Variants in FBXL19 observed in about 807,000 individuals in gnomAD.
FBXL19 encodes the protein F-box/LRR-repeat protein 19.
Under a neutral mutation model 71.2 loss-of-function variants are expected in FBXL19, and 16 were observed. The ratio of observed to expected loss-of-function variants is 0.22; its 90% CI spans 0.15 to 0.34. The LOEUF is 0.34. Among genes scored for constraint, FBXL19 ranks in the 10% least tolerant of loss-of-function variants. The pLI is 1.00. For missense variants in FBXL19, 658 were observed against 968.2 expected, an observed-to-expected ratio of 0.68 and a Z score of 4.25; for synonymous variants, 447 against 409.4, an observed-to-expected ratio of 1.09 and a Z score of -1.11.
In FBXL19 at chr16:30,925,669, C is replaced by G; in HGVS notation, c.-24-62C>G. 1 of 1,426,754 alleles carries G rather than the reference C, an allele frequency of 7.0e-7. No individual in the cohort carries two copies. The highest frequency in any genetic ancestry group is 9.1e-7 in the Non-Finnish European group (1 of 1,100,718). 88.4% of individuals were successfully genotyped at this position (1,426,754 alleles called of 1,614,324 possible). A position where few individuals can be genotyped will look rare whatever the true frequency, so the allele number is the denominator to read the frequency against. On this transcript the variant is annotated intron_variant, in intron 1 of 10. Coordinates refer to ENST00000338343, the MANE Select transcript of FBXL19 (RefSeq NM_001382779.1). This position sits in a 1 kb window ranked among gnomAD's most constrained non-coding sequence, Gnocchi z 5.0. ...GCTGCCTGTAGGTGGAGGGACCTGT[C>G]AGGGGTCTCCCAGGCCAGGGCCCCA...
upstream of FBXL19, among the ~76,000 whole-genome samples, chr16:30,923,432 C>T (rs1251748744): frequency 1.3e-5 from 2 of 151,388 alleles, no homozygotes; most frequent in African/African-American, 2.4e-5. Flanking sequence ...CCGTCGAGCC[C>T]TGCGTGCGTT....
chr16:30,933,637 G>A (rs543884886), intron 7 of FBXL19, among the ~76,000 whole-genome samples: 21 of 150,110 alleles, frequency 1.4e-4, no homozygotes, highest in African/African-American at 4.9e-4. Context: ...TTTTTTGCAG[G>A]AACCAGGGGC....
At chr16:30,938,916 G>A (rs868630340) in intron 7 of FBXL19, among the ~76,000 whole-genome samples, 3 of 150,786 alleles carry the variant, frequency 2.0e-5, no homozygotes, top group Middle Eastern at 3.6e-3. Flanking sequence ...GATTACAGGC[G>A]TGAGCCACTG....
At chr16:30,923,406 C>A, upstream of FBXL19, 1 of 360,038 alleles carries the variant, frequency 2.8e-6, no homozygotes, top group Non-Finnish European at 5.6e-6. Flanking sequence ...CATCAGTGGC[C>A]GCAGGACTAC....
intron 7 of FBXL19, among the ~76,000 whole-genome samples, chr16:30,938,660 G>A (rs1187836622): frequency 1.3e-5 from 2 of 152,038 alleles, no homozygotes; most frequent in African/African-American, 4.8e-5. Context: ...TTTTTGAGAT[G>A]GAGTCTTGCT....
At chr16:30,932,222 T>A (rs2143336747) in intron 7 of FBXL19, among the ~76,000 whole-genome samples, 1 of 152,352 alleles carries the variant, frequency 6.6e-6, no homozygotes, top group South Asian at 2.1e-4. Flanking sequence ...TTGTAGCCAG[T>A]ATTTACTTAG....
In FBXL19 at chr16:30,924,479, C is replaced by T; in HGVS notation, c.-25+20C>T. 1 of 494,898 alleles carries T rather than the reference C, an allele frequency of 2.0e-6. No individual in the cohort carries two copies. The highest frequency in any genetic ancestry group is 3.2e-6 in the Non-Finnish European group (1 of 313,194). 30.7% of individuals were successfully genotyped at this position (494,898 alleles called of 1,614,324 possible). ...TGTGAGGTGGGTTCATGCGGCTCCT[C>T]CTCACCCCCAGACCTGGGCAGCGCC... On this transcript the variant is annotated intron_variant, in intron 1 of 10. Coordinates refer to ENST00000338343, the MANE Select transcript of FBXL19 (RefSeq NM_001382779.1).
In FBXL19 at chr16:30,927,836, C is replaced by T; in HGVS notation, c.500C>T (p.Pro167Leu). 1 of 1,545,500 alleles carries T rather than the reference C, an allele frequency of 6.5e-7. No homozygotes were observed. The highest frequency in any genetic ancestry group is 8.7e-7 in the Non-Finnish European group (1 of 1,146,398). Residue 167 changes from proline (P) to leucine (L), a missense_variant, in exon 5 of 11, where the codon CCG becomes CTG. By Grantham distance (98) the Pro-to-Leu change is moderately conservative (BLOSUM62 -3). Transcript: ENST00000338343. ...GSGWKLTEEP[P>L]LPPPPPRRKG... is the part of the protein sequence containing the mutation. ...GGATGGAAGCTGACAGAGGAGCCAC[C>T]GCTTCCACCGCCCCCGCCCAGGCGC...
At position 30,927,907 on chromosome 16, in the gene FBXL19, C is replaced by A; in HGVS notation, c.571C>A (p.Pro191Thr). 1.3e-6 allele frequency: 2 copies of A among 1,541,802 alleles called. No homozygotes were observed. The highest frequency in any genetic ancestry group is 1.7e-6 in the Non-Finnish European group (2 of 1,150,976). ...AGPPPEDVPGPPKRKEREAGN... is the reference protein window; with the variant it reads ...AGPPPEDVPGTPKRKEREAGN... ...GCCCCCCCCGGAGGACGTGCCTGGGCCCCCCAAACGAAAGGAAAGGGAGGC... is the reference window on the plus strand; with the variant it reads ...GCCCCCCCCGGAGGACGTGCCTGGGACCCCCAAACGAAAGGAAAGGGAGGC... Residue 191 changes from proline to threonine, a missense_variant, in exon 5 of 11, where the codon CCC (proline) becomes ACC (threonine). This residue lies in a region of FBXL19 where 447 missense variants were observed against 515.4 expected (regional missense o/e 0.87). Transcript: ENST00000338343.
chr16:30,942,711 G>A lies in FBXL19; in HGVS notation c.1627+175G>A, dbSNP rs564623661. Among the ~76,000 whole-genome samples the A allele has an allele frequency of 1.3e-5, 2 of 152,360 alleles. No individual in the cohort carries two copies. Among genetic ancestry groups the A allele is most frequent in the South Asian group, 4.1e-4 (2 of 4,826 alleles). On this transcript the variant is annotated intron_variant, in intron 9 of 10. Transcript: ENST00000338343. The surrounding 1 kb of genome is among the most constrained non-coding windows in gnomAD (Gnocchi z 5.7). ...TTATTCATTCATTCACCCACCTGCT[G>A]TGTACTTTGAACTGAGTCTTGAAAG... is the stretch of plus-strand genomic sequence containing the variant.
chr16:30,928,601 C>T lies in FBXL19; in HGVS notation c.762C>T (p.His254=). The T allele has an allele frequency of 6.3e-7, 1 of 1,597,468 alleles. No homozygotes were observed. ...CGAGCCAGGCTTTCTCATCCTGCCACCCTGGGCTCCCTCCCGAGAACTGGG... is the reference window on the plus strand; with the variant it reads ...CGAGCCAGGCTTTCTCATCCTGCCATCCTGGGCTCCCTCCCGAGAACTGGG... ...LNPSQAFSSC[H]PGLPPENWEK... is the part of the protein sequence containing the mutation. The change falls in exon 6 of 11, where the codon CAC becomes CAT. Residue 254 remains histidine, a synonymous_variant. Transcript: ENST00000338343.
At position 30,927,883 on chromosome 16, in the gene FBXL19, C is replaced by G. The variant is rs770363065; in HGVS notation, c.547C>G (p.Pro183Ala). Residue 183 changes from proline to alanine, a missense_variant, in exon 5 of 11, where the codon CCC (proline) becomes GCC (alanine). Pro to Ala is a conservative substitution (Grantham distance 27). Coordinates refer to ENST00000338343, the MANE Select transcript of FBXL19 (RefSeq NM_001382779.1). Reference protein sequence around the residue: ...PRRKGPLPAGPPPEDVPGPPK... With the variant: ...PRRKGPLPAGAPPEDVPGPPK... ...GCGCAAGGGCCCCCTGCCTGCCGGG[C>G]CCCCCCCGGAGGACGTGCCTGGGCC... 2 of 1,502,152 alleles carry G rather than the reference C, an allele frequency of 1.3e-6. No individual in the cohort carries two copies. The highest frequency in any genetic ancestry group is 8.9e-7 in the Non-Finnish European group (1 of 1,119,208). 93.1% of individuals were successfully genotyped at this position (1,502,152 alleles called of 1,614,324 possible).
In FBXL19 at chr16:30,945,136, G is replaced by GGTTTGTGCCATGGCA. The variant is rs1245835772; in HGVS notation, c.1628-1594_1628-1593insGTTTGTGCCATGGCA. Reference sequence around the variant, plus strand: ...AGACTCCATAAAACATGTTTGGAGGGCAGCCTCATGGTTTGTGCCATCTGA... The same window carrying GGTTTGTGCCATGGCA: ...AGACTCCATAAAACATGTTTGGAGGGGTTTGTGCCATGGCACAGCCTCATGGTTTGTGCCATCTGA... On this transcript the variant is annotated intron_variant, in intron 9 of 10. Transcript: ENST00000338343. Among the ~76,000 whole-genome samples, 15 of 152,314 alleles carry GGTTTGTGCCATGGCA rather than the reference G, an allele frequency of 9.8e-5. No homozygotes were observed. In the East Asian group the frequency reaches 2.3e-3, roughly 23 times the overall value.
rs1416682313 is a variant in FBXL19 at position 30,947,911 on chromosome 16, G to T, written c.*681G>T. On this transcript the variant is annotated 3_prime_UTR_variant, in exon 11 of 11. Coordinates refer to ENST00000338343, the MANE Select transcript of FBXL19 (RefSeq NM_001382779.1). ...TCACTGAAAACGGCAGCTATTGCAA[G>T]GAGTGGGGGCCGCGGGCAGCCGCTC... 1 of 454,778 alleles carries T rather than the reference G, an allele frequency of 2.2e-6. No individual in the cohort carries two copies. Among genetic ancestry groups the T allele is most frequent in the Middle Eastern group, 3.3e-4 (1 of 3,058 alleles). 28.2% of individuals were successfully genotyped at this position (454,778 alleles called of 1,614,324 possible). A position where few individuals can be genotyped will look rare whatever the true frequency, so the allele number is the denominator to read the frequency against.
chr16:30,945,077 G>A (rs2055843681), intron 9 of FBXL19, among the ~76,000 whole-genome samples: 1 of 152,178 alleles, frequency 6.6e-6, no homozygotes, highest in African/African-American at 2.4e-5. Context: ...CCTTTTTGTA[G>A]TGTTAGTCAT....
At chr16:30,927,238 TCCCTA>T in intron 2 of FBXL19, 65 bp from the exon 3 acceptor site, 1 of 1,460,030 alleles carries the variant, frequency 6.8e-7, no homozygotes, top group Non-Finnish European at 9.1e-7. Context: ...CTGGCCAGGG[TCCCTA>T]GAAGGAAGGG....
Position 30,942,055 on chromosome 16 carries a change from G to A in FBXL19, c.1302-61G>A. ...TGCACCCTTGGAGCTGGGGAGCCTGGGAACTGTGGGCTGCTGAGAGCTGAG... is the reference window on the plus strand; with the variant it reads ...TGCACCCTTGGAGCTGGGGAGCCTGAGAACTGTGGGCTGCTGAGAGCTGAG... On this transcript the variant is annotated intron_variant, in intron 7 of 10. Coordinates refer to ENST00000338343, the MANE Select transcript of FBXL19 (RefSeq NM_001382779.1). This position sits in a 1 kb window ranked among gnomAD's most constrained non-coding sequence, Gnocchi z 5.7. 2.1e-6 allele frequency: 3 copies of A among 1,456,470 alleles called. No homozygotes were observed. The highest frequency in any genetic ancestry group is 1.8e-6 in the Non-Finnish European group (2 of 1,099,338). The allele number at this position is 1,456,470 out of a possible 1,614,324, so 90.2% of individuals were successfully genotyped here.
intron 7 of FBXL19, among the ~76,000 whole-genome samples, chr16:30,933,853 A>G (rs977494078): frequency 2.6e-5 from 4 of 151,188 alleles, no homozygotes; most frequent in East Asian, 1.9e-4. Context: ...CCTGGGTTCA[A>G]TCAGTTCTCC....
In FBXL19 at chr16:30,939,232, C is replaced by T. The variant is rs1371825882; in HGVS notation, c.1302-2884C>T. ...GACTACAGGTGCCCGCCACCACGCC[C>T]GGCTAATTTTTTGTATTTTTAGTAG... On this transcript the variant is annotated intron_variant, in intron 7 of 10. Coordinates refer to ENST00000338343, the MANE Select transcript of FBXL19 (RefSeq NM_001382779.1). 5.3e-5 allele frequency among the ~76,000 whole-genome samples: 8 copies of T among 150,486 alleles called. 1 individual carries two copies. Among genetic ancestry groups the T allele is most frequent in the South Asian group, 2.1e-4 (1 of 4,734 alleles).
Sources: allele counts gnomAD v4.1 joint callset (sites outside exome capture counted in the v4.1 genomes callset), GRCh38; gene constraint gnomAD v4.1.1; regional missense constraint gnomAD v4.1.1; non-coding constraint Gnocchi (gnomAD v3.1); transcripts MANE v1.5; gene names NCBI Gene and HGNC (gene_info 2026-07-23, HGNC 2026-07-21).